Variants in TEX51 observed in about 807,000 individuals in gnomAD.
TEX51 encodes the protein testis-expressed protein 51.
Under a neutral mutation model 8.0 loss-of-function variants are expected in TEX51, and 14 were observed. That is an observed-to-expected ratio of 1.76 (90% CI 1.16 to 2.75). TEX51 has a LOEUF of 2.75. Ranked by LOEUF, TEX51 falls within the 30% of genes most tolerant of loss-of-function variation. The pLI is 0.00. For missense variants in TEX51, 142 were observed against 77.4 expected (o/e 1.83, Z -3.13); for synonymous variants, 58 against 28.6 (o/e 2.03, Z -3.29).
intron 2 of TEX51, 29 bp from the exon 3 acceptor site, chr2:126,899,494 G>T: frequency 1.4e-6 from 1 of 694,122 alleles, no homozygotes; most frequent in South Asian, 1.5e-5. Flanking sequence ...TTGTAACCCT[G>T]AACACCCCTT....
In TEX51 at chr2:126,899,180, T is replaced by C. The variant is rs768091002; in HGVS notation, c.146-37T>C. The C allele has an allele frequency of 5.7e-6, 4 of 702,270 alleles. No individual in the cohort carries two copies. The South Asian group carries it at 5.9e-5, about 10-fold the overall frequency. 43.5% of individuals were successfully genotyped at this position (702,270 alleles called of 1,614,324 possible). On this transcript the variant is annotated intron_variant, in intron 1 of 6. Transcript: ENST00000568484. ...CTCTTTACCTGACCTGGGATCTTAC[T>C]CCCTTGACTTCCCTTTGACCTGTAT...
intron 6 of TEX51, 132 bp from the exon 7 acceptor site, chr2:126,901,740 T>A (rs1558747935): frequency 3.5e-6 from 2 of 571,760 alleles, no homozygotes; most frequent in Non-Finnish European, 6.2e-6. Context: ...ACCATTAGCA[T>A]GGCTGCCTTG....
intron 6 of TEX51, 57 bp from the exon 7 acceptor site, chr2:126,901,815 G>A (rs934896153): frequency 7.0e-6 from 4 of 570,424 alleles, no homozygotes; most frequent in Non-Finnish European, 1.2e-5. Context: ...AGACAGGGAG[G>A]AGGCCAGAGT....
chr2:126,899,865 T>C (rs183186120), intron 3 of TEX51, 71 bp from the exon 4 acceptor site: 15,749 of 702,200 alleles, frequency 0.022, 233 homozygotes, highest in Non-Finnish European at 0.027. Context: ...TGAGTATGCA[T>C]GGGGACTGGG....
chr2:126,901,834 G>A, intron 6 of TEX51, 38 bp from the exon 7 acceptor site: 1 of 584,600 alleles, frequency 1.7e-6, no homozygotes, highest in Non-Finnish European at 3.1e-6. Flanking sequence ...GTAGTGGGAG[G>A]TCAGGGTAGA....
At position 126,899,940 on chromosome 2, in the gene TEX51, A is replaced by G; in HGVS notation, c.315A>G (p.Ile105Met). 1.4e-6 allele frequency: 1 copy of G among 701,834 alleles called. No individual in the cohort carries two copies. The highest frequency in any genetic ancestry group is 2.0e-5 in the Admixed American group (1 of 49,972). The allele number at this position is 701,834 out of a possible 1,614,324, so 43.5% of individuals were successfully genotyped here. Residue 105 changes from isoleucine (I) to methionine (M), a missense_variant, in exon 4 of 7, where the codon ATA becomes ATG. Ile to Met is a conservative substitution (Grantham distance 10, BLOSUM62 1). Coordinates refer to ENST00000568484, the MANE Select transcript of TEX51 (RefSeq NM_001322244.2). ...KISDGLKEKD[I>M]QSTLKVTSCA... is the part of the protein sequence containing the mutation. ...CCTGTCCCTCCCCTCCCATAGACAT[A>G]CAGTCCACACTGAAGGTCACCAGCT...
rs1680323941 is a variant in TEX51, at chr2:126,901,417, G to C, written c.*2+13G>C. 5.7e-6 allele frequency: 4 copies of C among 702,264 alleles called. No homozygotes were observed. In the East Asian group the frequency reaches 1.1e-4, roughly 19 times the overall value. The allele number at this position is 702,264 out of a possible 1,614,324, so 43.5% of individuals were successfully genotyped here. ...GGAGGCAGTAAAGGTACTGGGAAAGGAGACCCCGACCCAATTCTAGGGCTC... is the reference window on the plus strand; with the variant it reads ...GGAGGCAGTAAAGGTACTGGGAAAGCAGACCCCGACCCAATTCTAGGGCTC... On this transcript the variant is annotated intron_variant, in intron 6 of 6. Coordinates refer to ENST00000568484, the MANE Select transcript of TEX51 (RefSeq NM_001322244.2).
chr2:126,902,027 C>T lies in TEX51; in HGVS notation c.*158C>T, dbSNP rs1573453835. ...AAGCTCTGAGGCCTAGGAGACTGCG[C>T]TGTCTCGTGGTTTGCCTACTCCTAC... On this transcript the variant is annotated 3_prime_UTR_variant, in exon 7 of 7. Transcript: ENST00000568484. 2 of 523,226 alleles carry T rather than the reference C, an allele frequency of 3.8e-6. No homozygotes were observed. The highest frequency in any genetic ancestry group is 6.8e-6 in the Non-Finnish European group (2 of 295,058). The allele number at this position is 523,226 out of a possible 1,614,324, so 32.4% of individuals were successfully genotyped here.
rs952047286 is a variant in TEX51 at position 126,899,248 on chromosome 2, A to T, written c.177A>T (p.Lys59Asn). Reference protein sequence around the residue: ...NRDHLEEETAKFFTQVHQAIK... With the variant: ...NRDHLEEETANFFTQVHQAIK... ...ACCATTTGGAAGAAGAAACAGCCAA[A>T]TTCTTCACTCAAGTACACCAAGCCA... Residue 59 changes from lysine to asparagine, a missense_variant, in exon 2 of 7, where the codon AAA becomes AAT. Coordinates refer to ENST00000568484, the MANE Select transcript of TEX51 (RefSeq NM_001322244.2). 7 of 702,126 alleles carry T rather than the reference A, an allele frequency of 1.0e-5. No individual in the cohort carries two copies. The highest frequency in any genetic ancestry group is 7.4e-5 in the South Asian group (5 of 67,586). The allele number at this position is 702,126 out of a possible 1,614,324, so 43.5% of individuals were successfully genotyped here.
At chr2:126,899,431 T>A in intron 2 of TEX51, 92 bp from the exon 3 acceptor site, 1 of 679,426 alleles carries the variant, frequency 1.5e-6, no homozygotes, top group Non-Finnish European at 2.7e-6. Flanking sequence ...CTCCGTGTGC[T>A]CTTTGGAACT....
At chr2:126,899,695 C>T (rs190634468) in intron 3 of TEX51, 83 bp downstream of exon 3, 2 of 692,810 alleles carry the variant, frequency 2.9e-6, no homozygotes, top group Non-Finnish European at 5.3e-6. Context: ...CACTCTGCAG[C>T]CCCCTCGATC....
chr2:126,901,920 A>G lies in TEX51; in HGVS notation c.*51A>G, dbSNP rs1017414759. ...CCAGAAGTGAACAGAGGCCGCAGCT[A>G]CCACCGTCACAAAGTTCACTCATCT... On this transcript the variant is annotated 3_prime_UTR_variant, in exon 7 of 7. Transcript: ENST00000568484. 6 of 671,370 alleles carry G rather than the reference A, an allele frequency of 8.9e-6. No homozygotes were observed. Among genetic ancestry groups the G allele is most frequent in the Non-Finnish European group, 1.6e-5 (6 of 369,578 alleles). 41.6% of individuals were successfully genotyped at this position (671,370 alleles called of 1,614,324 possible).
At chr2:126,900,582 A>G (rs149969424) in intron 4 of TEX51, among the ~76,000 whole-genome samples, 1 of 152,068 alleles carries the variant, frequency 6.6e-6, no homozygotes, top group African/African-American at 2.4e-5. Flanking sequence ...TAAGTCTTCT[A>G]TGTGTTCCCA....
At chr2:126,899,453 A>T in intron 2 of TEX51, 70 bp from the exon 3 acceptor site, 1 of 680,356 alleles carries the variant, frequency 1.5e-6, no homozygotes, top group East Asian at 2.7e-5. Context: ...CCATGTAGAA[A>T]CAAGGGTCTG....
intron 4 of TEX51, 107 bp downstream of exon 4, chr2:126,900,126 T>C (rs2104717865): frequency 1.5e-6 from 1 of 678,574 alleles, no homozygotes. Flanking sequence ...TTTCTTGTTC[T>C]TTATCCTCAC....
At position 126,899,071 on chromosome 2, in the gene TEX51, C is replaced by A; in HGVS notation, c.145+8C>A. On this transcript the variant is annotated splice_region_variant and intron_variant, in intron 1 of 6. Coordinates refer to ENST00000568484, the MANE Select transcript of TEX51 (RefSeq NM_001322244.2). ...CCACAGAACTTTCTCAAAGTATTCACTCCTTGTTCCTAGAGGATAATAATT... is the reference window on the plus strand; with the variant it reads ...CCACAGAACTTTCTCAAAGTATTCAATCCTTGTTCCTAGAGGATAATAATT... The A allele has an allele frequency of 1.4e-6, 1 of 702,286 alleles. No individual in the cohort carries two copies. Among genetic ancestry groups the A allele is most frequent in the Middle Eastern group, 2.3e-4 (1 of 4,362 alleles). The allele number at this position is 702,286 out of a possible 1,614,324, so 43.5% of individuals were successfully genotyped here.
At position 126,900,023 on chromosome 2, in the gene TEX51, A is replaced by G; in HGVS notation, c.394+4A>G. On this transcript the variant is annotated splice_donor_region_variant and intron_variant, in intron 4 of 6. Coordinates refer to ENST00000568484, the MANE Select transcript of TEX51 (RefSeq NM_001322244.2). ...AATGACCCCACTTTCTGCCCAGGTC[A>G]GTGGCCACCACCCTGTCCAGCCTCT... 1.4e-6 allele frequency: 1 copy of G among 700,540 alleles called. No homozygotes were observed. The highest frequency in any genetic ancestry group is 2.6e-6 in the Non-Finnish European group (1 of 384,778). 43.4% of individuals were successfully genotyped at this position (700,540 alleles called of 1,614,324 possible).
Position 126,898,999 on chromosome 2 carries a change from C to T in TEX51, c.81C>T (p.Ala27=), listed in dbSNP as rs1439599399. Residue 27 remains alanine, a synonymous_variant, in exon 1 of 7, where the codon GCC becomes GCT. Coordinates refer to ENST00000568484, the MANE Select transcript of TEX51 (RefSeq NM_001322244.2). ...TCCGCTGCTGGCCAGAACTGTCTGC[C>T]TTGATAGACTATGACCTGCAGATCC... ...NCLRCWPELS[A]LIDYDLQILW... is the part of the protein sequence containing the mutation. The T allele has an allele frequency of 5.7e-6, 4 of 702,142 alleles. No individual in the cohort carries two copies. The highest frequency in any genetic ancestry group is 1.0e-5 in the Non-Finnish European group (4 of 384,832). The allele number at this position is 702,142 out of a possible 1,614,324, so 43.5% of individuals were successfully genotyped here.
Position 126,902,022 on chromosome 2 carries a change from C to T in TEX51, c.*153C>T. 1 of 526,578 alleles carries T rather than the reference C, an allele frequency of 1.9e-6. No homozygotes were observed. 32.6% of individuals were successfully genotyped at this position (526,578 alleles called of 1,614,324 possible). Reference sequence around the variant, plus strand: ...CCCCAAAGCTCTGAGGCCTAGGAGACTGCGCTGTCTCGTGGTTTGCCTACT... The same window carrying T: ...CCCCAAAGCTCTGAGGCCTAGGAGATTGCGCTGTCTCGTGGTTTGCCTACT... On this transcript the variant is annotated 3_prime_UTR_variant, in exon 7 of 7. Transcript: ENST00000568484.
Sources: allele counts gnomAD v4.1 joint callset (sites outside exome capture counted in the v4.1 genomes callset), GRCh38; gene constraint gnomAD v4.1.1; transcripts MANE v1.5; gene names NCBI Gene and HGNC (gene_info 2026-07-23, HGNC 2026-07-21).